Variants in SMARCA2 observed in about 807,000 individuals in gnomAD.
The protein encoded by SMARCA2 is SWI/SNF-related matrix-associated actin-dependent regulator of chromatin subfamily A member 2.
SMARCA2 carries 61 observed loss-of-function variants against 199.8 expected under a neutral mutation model. The observed-to-expected ratio is 0.31, with a 90% CI of 0.25 to 0.38. SMARCA2 has a LOEUF of 0.38. SMARCA2 is among the 10% of genes least tolerant of loss of function. The probability of loss-of-function intolerance (pLI) is 1.00; values close to 1 mark genes in which losing one functional copy is unlikely to be tolerated. For synonymous variants in SMARCA2, 935 were observed against 732.0 expected, an observed-to-expected ratio of 1.28 and a Z score of -4.48; for missense variants, 1,344 against 2,012.2, an observed-to-expected ratio of 0.67 and a Z score of 6.35.
rs7873564 is a variant in SMARCA2, at chr9:2,079,298, C to T, written c.2184+1522C>T. 6.5e-3 allele frequency among the ~76,000 whole-genome samples: 988 copies of T among 152,308 alleles called. 13 individuals carry two copies. Among genetic ancestry groups the T allele is most frequent in the African/African-American group, 0.023 (944 of 41,566 alleles). On this transcript the variant is annotated intron_variant, in intron 14 of 33. Transcript: ENST00000349721. ...CCCAAATTTCTTTGACTACCAAACC[C>T]TATTTTTATATCACCAATTAACATC...
At position 2,169,043 on chromosome 9, in the gene SMARCA2, C is replaced by G. The variant is rs1211000685; in HGVS notation, c.4200-1376C>G. ...TAAGCTTCTGTGTCTCCTTGGTCAG[C>G]ACCATCATTAGCCCAAGGTCCTAAA... On this transcript the variant is annotated intron_variant, in intron 28 of 33. Coordinates refer to ENST00000349721, the MANE Select transcript of SMARCA2 (RefSeq NM_003070.5). The surrounding 1 kb of genome is among the most constrained non-coding windows in gnomAD (Gnocchi z 6.5). Among the ~76,000 whole-genome samples, 3 of 152,218 alleles carry G rather than the reference C, an allele frequency of 2.0e-5. No homozygotes were observed. Among genetic ancestry groups the G allele is most frequent in the Non-Finnish European group, 2.9e-5 (2 of 68,032 alleles).
At chr9:2,134,386 C>T (rs886148783) in intron 27 of SMARCA2, among the ~76,000 whole-genome samples, 7 of 152,176 alleles carry the variant, frequency 4.6e-5, no homozygotes, top group East Asian at 1.9e-4. Flanking sequence ...CAAACTCGCT[C>T]GGCCATTAAC....
intron 1 of SMARCA2, among the ~76,000 whole-genome samples, 170 bp from the exon 2 acceptor site, chr9:2,028,817 A>C (rs770715746): frequency 4.6e-5 from 7 of 152,180 alleles, no homozygotes; most frequent in Non-Finnish European, 1.0e-4. Flanking sequence ...CTTCATAAAG[A>C]CTAGGGCAGA....
In SMARCA2 at chr9:2,110,517, A is replaced by C; in HGVS notation, c.3456+100A>C. The C allele has an allele frequency of 2.1e-6, 2 of 935,616 alleles. No individual in the cohort carries two copies. The highest frequency in any genetic ancestry group is 3.0e-6 in the Non-Finnish European group (2 of 657,526). 58.0% of individuals were successfully genotyped at this position (935,616 alleles called of 1,614,324 possible). A position where few individuals can be genotyped will look rare whatever the true frequency, so the allele number is the denominator to read the frequency against. ...ATTTACAGGACAGAGCAAATATCTAAACGAGTGGGCTGTTGCTTTCTTGGA... is the reference window on the plus strand; with the variant it reads ...ATTTACAGGACAGAGCAAATATCTACACGAGTGGGCTGTTGCTTTCTTGGA... On this transcript the variant is annotated intron_variant, in intron 24 of 33. Coordinates refer to ENST00000349721, the MANE Select transcript of SMARCA2 (RefSeq NM_003070.5). The surrounding 1 kb of genome is among the most constrained non-coding windows in gnomAD (Gnocchi z 4.8).
chr9:2,166,498 T>C (rs75118273), intron 28 of SMARCA2, among the ~76,000 whole-genome samples: 1,765 of 152,292 alleles, frequency 0.012, 79 homozygotes, highest in East Asian at 0.079. Flanking sequence ...ATAAGCATAA[T>C]TTTTTTGAAC....
At chr9:2,154,444 A>T (rs764174792) in intron 27 of SMARCA2, among the ~76,000 whole-genome samples, 1 of 152,142 alleles carries the variant, frequency 6.6e-6, no homozygotes, top group Non-Finnish European at 1.5e-5. Flanking sequence ...TTCCTCTCTC[A>T]TGATTGGGCT....
At chr9:2,092,133 C>T (rs1321423639) in intron 19 of SMARCA2, among the ~76,000 whole-genome samples, 2 of 152,118 alleles carry the variant, frequency 1.3e-5, no homozygotes, top group Admixed American at 1.3e-4. Context: ...CTATTTAGCT[C>T]ACATTTAAGG....
Position 2,039,074 on chromosome 9 carries a change from T to G in SMARCA2, c.356-392T>G, listed in dbSNP as rs1819460162. ...ATTGATCACTTGAAGTGTGGTTAGTTCGAATTGAGATGTCCTTTAAGTGTA... is the reference window on the plus strand; with the variant it reads ...ATTGATCACTTGAAGTGTGGTTAGTGCGAATTGAGATGTCCTTTAAGTGTA... On this transcript the variant is annotated intron_variant, in intron 3 of 33. Coordinates refer to ENST00000349721, the MANE Select transcript of SMARCA2 (RefSeq NM_003070.5). This position sits in a 1 kb window ranked among gnomAD's most constrained non-coding sequence, Gnocchi z 4.8. Among the ~76,000 whole-genome samples the G allele has an allele frequency of 3.3e-5, 5 of 152,190 alleles. No homozygotes were observed. Among genetic ancestry groups the G allele is most frequent in the Middle Eastern group, 3.2e-3 (1 of 316 alleles).
intron 24 of SMARCA2, among the ~76,000 whole-genome samples, chr9:2,112,076 G>A (rs1365457422): frequency 4.6e-5 from 7 of 152,206 alleles, no homozygotes. Flanking sequence ...TCATATTGAT[G>A]TGAGAGATCT....
intron 5 of SMARCA2, among the ~76,000 whole-genome samples, chr9:2,053,537 C>G (rs928195773): frequency 6.6e-6 from 1 of 152,162 alleles, no homozygotes; most frequent in Non-Finnish European, 1.5e-5. Flanking sequence ...ACCATTATAA[C>G]TTTTACCTTA....
intron 9 of SMARCA2, among the ~76,000 whole-genome samples, chr9:2,064,938 A>C (rs1278731412): frequency 1.3e-5 from 2 of 152,262 alleles, no homozygotes; most frequent in Non-Finnish European, 2.9e-5. Flanking sequence ...TAATCCCAGC[A>C]CTTTGGGAGG....
At position 2,039,469 on chromosome 9, in the gene SMARCA2, A is replaced by T; in HGVS notation, c.359A>T (p.Tyr120Phe). 1 of 1,612,414 alleles carries T rather than the reference A, an allele frequency of 6.2e-7. No individual in the cohort carries two copies. Among genetic ancestry groups the T allele is most frequent in the Non-Finnish European group, 8.5e-7 (1 of 1,179,120 alleles). Residue 120 changes from tyrosine (Y) to phenylalanine (F), a missense_variant, in exon 4 of 34, where the codon TAT becomes TTT. Tyr to Phe is a conservative substitution (Grantham distance 22, BLOSUM62 3). This residue lies in a region of SMARCA2 where 275 missense variants were observed against 247.5 expected (regional missense o/e 1.11). Transcript: ENST00000349721. This position sits in a 1 kb window ranked among gnomAD's most constrained non-coding sequence, Gnocchi z 4.8. ...QSPMDQHSQGYMSPHPSPLGA... is the reference protein window; with the variant it reads ...QSPMDQHSQGFMSPHPSPLGA... ...TTCCTTTTGTGTTTTATTTTAGGTT[A>T]TATGTCACCACACCCATCTCCATTA...
intron 27 of SMARCA2, among the ~76,000 whole-genome samples, chr9:2,128,262 T>G (rs7847382): frequency 0.31 from 46,808 of 152,176 alleles, 12,123 homozygotes; most frequent in African/African-American, 0.7. Flanking sequence ...GTCTGCTCCT[T>G]TCCTGGGAGG....
chr9:2,037,285 C>T (rs1819376430), intron 3 of SMARCA2, among the ~76,000 whole-genome samples: 1 of 152,196 alleles, frequency 6.6e-6, no homozygotes, highest in African/African-American at 2.4e-5. Context: ...TTCTGCTAGT[C>T]TTGCAAGCTT....
At position 2,119,090 on chromosome 9, in the gene SMARCA2, TG is replaced by T. The variant is rs1339177213; in HGVS notation, c.3685-366del. ...AATTAATGTTAGGTACTTTTTCATATGGATGTCCTTATTAAAATCTTACATC... is the reference window on the plus strand; with the variant it reads ...AATTAATGTTAGGTACTTTTTCATATGATGTCCTTATTAAAATCTTACATC... On this transcript the variant is annotated intron_variant, in intron 25 of 33. Coordinates refer to ENST00000349721, the MANE Select transcript of SMARCA2 (RefSeq NM_003070.5). This position sits in a 1 kb window ranked among gnomAD's most constrained non-coding sequence, Gnocchi z 4.6. 6.6e-6 allele frequency among the ~76,000 whole-genome samples: 1 copy of T among 152,244 alleles called. No individual in the cohort carries two copies.
At position 2,096,804 on chromosome 9, in the gene SMARCA2, A is replaced by G. The variant is rs371367245; in HGVS notation, c.2991+40A>G. Reference sequence around the variant, plus strand: ...ATGATGCAACTCAAGGTGCTGTGGTATGTCTTCTCATGGCTGTGACATTGA... The same window carrying G: ...ATGATGCAACTCAAGGTGCTGTGGTGTGTCTTCTCATGGCTGTGACATTGA... On this transcript the variant is annotated intron_variant, in intron 20 of 33. Coordinates refer to ENST00000349721, the MANE Select transcript of SMARCA2 (RefSeq NM_003070.5). 287 of 1,127,134 alleles carry G rather than the reference A, an allele frequency of 2.5e-4. No individual in the cohort carries two copies. Among genetic ancestry groups the G allele is most frequent in the Middle Eastern group, 9.7e-4 (5 of 5,162 alleles). 69.8% of individuals were successfully genotyped at this position (1,127,134 alleles called of 1,614,324 possible).
At chr9:2,129,818 A>G (rs993019765) in intron 27 of SMARCA2, among the ~76,000 whole-genome samples, 10 of 152,158 alleles carry the variant, frequency 6.6e-5, no homozygotes, top group African/African-American at 2.2e-4. Context: ...GATGTCAAAC[A>G]TAGAAACTCC....
intron 27 of SMARCA2, among the ~76,000 whole-genome samples, chr9:2,139,519 A>G (rs1824366353): frequency 6.6e-6 from 1 of 152,172 alleles, no homozygotes; most frequent in African/African-American, 2.4e-5. Context: ...TAAAATGAAC[A>G]TTTGTTCTGC....
rs60523594 is a variant in SMARCA2 at position 2,022,355 on chromosome 9, C to G, written c.-36-6632C>G. 3.4e-3 allele frequency among the ~76,000 whole-genome samples: 522 copies of G among 152,266 alleles called. 4 individuals carry two copies. Among genetic ancestry groups the G allele is most frequent in the African/African-American group, 0.012 (494 of 41,562 alleles). Reference sequence around the variant, plus strand: ...TTCGTATCAAAATTGAAGTTGTAGTCAGCTACTGTTATGCCTATTTTGTAG... The same window carrying G: ...TTCGTATCAAAATTGAAGTTGTAGTGAGCTACTGTTATGCCTATTTTGTAG... On this transcript the variant is annotated intron_variant, in intron 1 of 33. Transcript: ENST00000349721.
Sources: allele counts gnomAD v4.1 joint callset (sites outside exome capture counted in the v4.1 genomes callset), GRCh38; gene constraint gnomAD v4.1.1; regional missense constraint gnomAD v4.1.1; non-coding constraint Gnocchi (gnomAD v3.1); transcripts MANE v1.5; gene names NCBI Gene and HGNC (gene_info 2026-07-23, HGNC 2026-07-21).